Variants in RFX3 observed in about 807,000 individuals in gnomAD.
RFX3 encodes the protein regulatory factor X3, also known as transcription factor RFX3.
A neutral mutation model predicts 98.6 loss-of-function variants in RFX3; 14 were observed. The observed-to-expected ratio is 0.14, with a 90% CI of 0.09 to 0.22. The LOEUF (loss-of-function observed/expected upper bound fraction) is 0.22. RFX3 is among the 10% of genes least tolerant of loss of function. The pLI is 1.00. For missense variants in RFX3, 639 were observed against 926.9 expected, an observed-to-expected ratio of 0.69 and a Z score of 4.03; for synonymous variants, 383 against 328.4, an observed-to-expected ratio of 1.17 and a Z score of -1.80.
At chr9:3,473,330 C>T (rs1411137286) in intron 1 of RFX3, among the ~76,000 whole-genome samples, 1 of 152,290 alleles carries the variant, frequency 6.6e-6, no homozygotes, top group African/African-American at 2.4e-5. Flanking sequence ...ATATGAACTA[C>T]TGGGTTCTCT....
intron 1 of RFX3, among the ~76,000 whole-genome samples, chr9:3,405,579 A>G (rs1841881840): frequency 6.6e-6 from 1 of 152,168 alleles, no homozygotes. Flanking sequence ...AATTCTACTG[A>G]CGGCATAAGA....
intron 1 of RFX3, among the ~76,000 whole-genome samples, chr9:3,436,634 T>C (rs1845149911): frequency 1.3e-5 from 2 of 152,072 alleles, no homozygotes; most frequent in South Asian, 2.1e-4. Context: ...TGGCCCTAAG[T>C]ACATTTTTAA....
At position 3,271,033 on chromosome 9, in the gene RFX3, G is replaced by C; in HGVS notation, c.1172C>G (p.Pro391Arg). 6.2e-7 allele frequency: 1 copy of C among 1,613,572 alleles called. No individual in the cohort carries two copies. Among genetic ancestry groups the C allele is most frequent in the Non-Finnish European group, 8.5e-7 (1 of 1,179,596 alleles). ...TTCGGTAATGGTAGTGCCATCAGTT[G>C]GAGTAGAGGGAGAATAGCGCCAGAA... ...QTFWRYSPSTPTDGTTITESS... is the reference protein window; with the variant it reads ...QTFWRYSPSTRTDGTTITESS... The change falls in exon 10 of 17, where the codon CCA becomes CGA. Residue 391 changes from proline (P) to arginine (R), a missense_variant. Transcript: ENST00000617270.
chr9:3,394,854 T>C (rs1249004646), intron 2 of RFX3: 10 of 985,178 alleles, frequency 1.0e-5, no homozygotes, highest in Middle Eastern at 5.2e-4. Context: ...ACTTTGTCAG[T>C]ATCTTTCCAA....
intron 1 of RFX3, among the ~76,000 whole-genome samples, chr9:3,504,871 T>TATATATTATATATGATATAATATATATA (rs1816657427): frequency 1.3e-5 from 1 of 75,640 alleles, no homozygotes; most frequent in Non-Finnish European, 2.0e-5. Flanking sequence ...TAATATATAT[T>TATATATTATATATGATATAATATATATA]ATATATATTA....
At chr9:3,494,012 T>C (rs1260348742) in intron 1 of RFX3, among the ~76,000 whole-genome samples, 1 of 152,116 alleles carries the variant, frequency 6.6e-6, no homozygotes, top group Non-Finnish European at 1.5e-5. Context: ...CATTTTTCTA[T>C]ACCCCCATAA....
intron 1 of RFX3, among the ~76,000 whole-genome samples, chr9:3,406,738 TAC>T (rs1438563514): frequency 1.3e-5 from 2 of 152,208 alleles, no homozygotes; most frequent in Admixed American, 6.5e-5. Flanking sequence ...AATTGTATAT[TAC>T]AGACATTTTT....
At chr9:3,344,543 C>A (rs1264362938) in intron 3 of RFX3, among the ~76,000 whole-genome samples, 2 of 152,126 alleles carry the variant, frequency 1.3e-5, no homozygotes, top group African/African-American at 2.4e-5. Context: ...GGGACCAGTA[C>A]AAAATGAGAA....
At chr9:3,464,528 C>A (rs574589856) in intron 1 of RFX3, among the ~76,000 whole-genome samples, 1 of 152,056 alleles carries the variant, frequency 6.6e-6, no homozygotes, top group Admixed American at 6.5e-5. Context: ...CTACATACTG[C>A]GTGATTCCAT....
chr9:3,393,236 C>G (rs1156963699), intron 2 of RFX3, among the ~76,000 whole-genome samples: 1 of 151,838 alleles, frequency 6.6e-6, no homozygotes, highest in African/African-American at 2.4e-5. Flanking sequence ...ATGTAGTTGC[C>G]TATGAGGAGT....
In RFX3 at chr9:3,381,679, T is replaced by C. The variant is rs148692206; in HGVS notation, c.117+13793A>G. Reference sequence around the variant, plus strand: ...ATATCTTTTCCTTGATTTCTCTTCTTTAATCATACTATTTATAAATAGCTG... The same window carrying C: ...ATATCTTTTCCTTGATTTCTCTTCTCTAATCATACTATTTATAAATAGCTG... On this transcript the variant is annotated intron_variant, in intron 2 of 16. Transcript: ENST00000617270. Among the ~76,000 whole-genome samples, 150 of 152,194 alleles carry C rather than the reference T, an allele frequency of 9.9e-4. No homozygotes were observed. In the East Asian group the frequency reaches 0.028, roughly 29 times the overall value.
rs951661441 is a variant in RFX3 at position 3,421,105 on chromosome 9, G to C, written c.-8-25509C>G. Among the ~76,000 whole-genome samples the C allele has an allele frequency of 2.6e-5, 4 of 151,464 alleles. No individual in the cohort carries two copies. In the East Asian group the frequency reaches 7.7e-4, roughly 29 times the overall value. On this transcript the variant is annotated intron_variant, in intron 1 of 16. Transcript: ENST00000617270. ...GGAGTGACTTGTCCCCTGCAGGATGGCCACATTCAGTGACTGAGCCAGAAC... is the reference window on the plus strand; with the variant it reads ...GGAGTGACTTGTCCCCTGCAGGATGCCCACATTCAGTGACTGAGCCAGAAC...
intron 2 of RFX3, among the ~76,000 whole-genome samples, chr9:3,369,910 A>G (rs1002425275): frequency 2.6e-5 from 4 of 151,754 alleles, no homozygotes; most frequent in Non-Finnish European, 4.4e-5. Flanking sequence ...GCTCACTGCA[A>G]GCTCCGCCCT....
intron 2 of RFX3, among the ~76,000 whole-genome samples, chr9:3,358,036 CA>C (rs1835979205): frequency 6.6e-6 from 1 of 151,810 alleles, no homozygotes; most frequent in Admixed American, 6.6e-5. Context: ...TCATGGTGGT[CA>C]ATACTGTGAG....
At chr9:3,270,965 A>G in intron 10 of RFX3, 38 bp downstream of exon 10, 1 of 1,613,444 alleles carries the variant, frequency 6.2e-7, no homozygotes, top group South Asian at 1.1e-5. Context: ...ACATCTACTC[A>G]GCCATGAAAA....
intron 1 of RFX3, among the ~76,000 whole-genome samples, chr9:3,439,531 A>C (rs571891296): frequency 6.6e-6 from 1 of 152,138 alleles, no homozygotes; most frequent in African/African-American, 2.4e-5. Context: ...TTATGCCAAT[A>C]AGTTTGAGAA....
At chr9:3,404,176 T>C (rs1043341652) in intron 1 of RFX3, among the ~76,000 whole-genome samples, 2 of 152,206 alleles carry the variant, frequency 1.3e-5, no homozygotes, top group African/African-American at 4.8e-5. Context: ...GTAGTGAACA[T>C]GGGTGTAGGT....
chr9:3,322,310 A>T (rs1196027823), intron 4 of RFX3, among the ~76,000 whole-genome samples: 1 of 152,274 alleles, frequency 6.6e-6, no homozygotes, highest in Non-Finnish European at 1.5e-5. Context: ...GGTGTTTTTT[A>T]TTCAGCAATT....
At chr9:3,300,562 A>C (rs1828530695) in intron 5 of RFX3, among the ~76,000 whole-genome samples, 1 of 151,830 alleles carries the variant, frequency 6.6e-6, no homozygotes, top group Admixed American at 6.6e-5. Context: ...AAATGGTCTT[A>C]TTTGGGTGAT....
Sources: gnomAD v4.1 joint callset for allele counts (sites outside exome capture counted in the v4.1 genomes callset) on GRCh38, gnomAD v4.1.1 for gene constraint, MANE v1.5 for transcripts, NCBI Gene and HGNC (gene_info 2026-07-23, HGNC 2026-07-21) for gene names.